The following CNBD2 variants were observed in gnomAD, a reference collection of about 807,000 sequenced individuals.
CNBD2 encodes the protein cyclic nucleotide-binding domain-containing protein 2.
Under a neutral mutation model 63.7 loss-of-function variants are expected in CNBD2, and 64 were observed. That is an observed-to-expected ratio of 1.00 (90% CI 0.82 to 1.24). The LOEUF (loss-of-function observed/expected upper bound fraction) is 1.24, where lower values mean the gene tolerates loss of function less well. CNBD2 is among the 50% of genes most tolerant of loss of function. The pLI is 0.00. For missense variants in CNBD2, 691 were observed against 713.5 expected, an observed-to-expected ratio of 0.97 and a Z score of 0.36; for synonymous variants, 229 against 255.4, an observed-to-expected ratio of 0.90 and a Z score of 0.99.
In CNBD2 at chr20:35,995,253, C is replaced by T. The variant is rs61533690; in HGVS notation, c.970+101C>T. ...TTAGAAATCTAGTCAGCCAGCCTGA[C>T]AGCGTATATCATCTGCACCCTTCTA... On this transcript the variant is annotated intron_variant, in intron 8 of 11. Coordinates refer to ENST00000373973, the MANE Select transcript of CNBD2 (RefSeq NM_001365709.1). 1.3e-3 allele frequency: 974 copies of T among 746,584 alleles called. 4 individuals carry two copies. The African/African-American group carries it at 0.015, about 11-fold the overall frequency. The allele number at this position is 746,584 out of a possible 1,614,324, so 46.2% of individuals were successfully genotyped here.
At chr20:36,010,934 T>C (rs1262779462) in intron 9 of CNBD2, among the ~76,000 whole-genome samples, 1 of 152,126 alleles carries the variant, frequency 6.6e-6, no homozygotes. Flanking sequence ...ATCACCTTCC[T>C]CTCCCAAGTC....
At chr20:36,021,299 C>G (rs543465402) in intron 10 of CNBD2, among the ~76,000 whole-genome samples, 35 of 152,194 alleles carry the variant, frequency 2.3e-4, no homozygotes, top group Admixed American at 3.9e-4. Context: ...GTGGAATAAG[C>G]CAAGCACAGA....
downstream of CNBD2, among the ~76,000 whole-genome samples, chr20:35,956,871 C>T (rs2056261752): frequency 6.6e-6 from 1 of 152,130 alleles, no homozygotes; most frequent in Admixed American, 6.6e-5. Flanking sequence ...TGTACAAAGG[C>T]ACATAGTGAG....
intron 11 of CNBD2, among the ~76,000 whole-genome samples, chr20:36,024,523 G>A (rs2057260063): frequency 6.6e-6 from 1 of 151,878 alleles, no homozygotes; most frequent in Non-Finnish European, 1.5e-5. Context: ...CAGCTACTCG[G>A]GAGGCTGATA....
intron 3 of CNBD2, among the ~76,000 whole-genome samples, chr20:35,979,951 G>A (rs1433026205): frequency 6.6e-6 from 1 of 152,200 alleles, no homozygotes; most frequent in Non-Finnish European, 1.5e-5. Flanking sequence ...GGGAGTGGTA[G>A]GTGAACGTGC....
intron 6 of CNBD2, among the ~76,000 whole-genome samples, chr20:35,985,400 A>T (rs2056654066): frequency 6.6e-6 from 1 of 151,806 alleles, no homozygotes; most frequent in Admixed American, 6.6e-5. Context: ...TCCTGGTCTC[A>T]AGTGATCCTG....
chr20:36,029,445 A>G (rs1016156998), intron 11 of CNBD2, among the ~76,000 whole-genome samples: 8 of 152,338 alleles, frequency 5.3e-5, no homozygotes, highest in South Asian at 4.1e-4. Flanking sequence ...CAGCTCTCCA[A>G]GATGCCGGAG....
chr20:35,980,664 G>T, intron 4 of CNBD2, 42 bp downstream of exon 4: 1 of 1,598,696 alleles, frequency 6.3e-7, no homozygotes, highest in Non-Finnish European at 8.5e-7. Flanking sequence ...GCTGAGGCTG[G>T]ACTGAGCAAA....
At chr20:36,013,772 A>G (rs2057095835) in intron 10 of CNBD2, among the ~76,000 whole-genome samples, 1 of 152,206 alleles carries the variant, frequency 6.6e-6, no homozygotes, top group South Asian at 2.1e-4. Flanking sequence ...AAGCAGGAAT[A>G]TATAGAAAGC....
intron 2 of CNBD2, chr20:35,973,314 T>TACG: frequency 6.4e-6 from 1 of 155,378 alleles, no homozygotes; most frequent in Non-Finnish European, 1.4e-5. Context: ...GTTTTCTAAA[T>TACG]GCCCACACGC....
intron 9 of CNBD2, among the ~76,000 whole-genome samples, chr20:36,010,214 G>A (rs1288861947): frequency 1.3e-5 from 2 of 152,102 alleles, no homozygotes; most frequent in Non-Finnish European, 2.9e-5. Context: ...TGAAATTGAA[G>A]TGTCATAATG....
chr20:36,023,845 A>AG (rs2057251769), intron 11 of CNBD2, 74 bp downstream of exon 11: 1 of 1,355,090 alleles, frequency 7.4e-7, no homozygotes, highest in Non-Finnish European at 1.0e-6. Flanking sequence ...TAGTAAAAGA[A>AG]GGAAAAATAT....
At chr20:36,005,812 A>G (rs1334938599) in intron 8 of CNBD2, among the ~76,000 whole-genome samples, 6 of 151,446 alleles carry the variant, frequency 4.0e-5, no homozygotes, top group East Asian at 2.0e-4. Flanking sequence ...TTAGCCGGGC[A>G]TGGTGGCGGG....
intron 9 of CNBD2, 42 bp from the exon 10 acceptor site, chr20:36,011,095 C>G (rs778163283): frequency 1.4e-6 from 2 of 1,456,946 alleles, no homozygotes; most frequent in South Asian, 3.0e-5. Flanking sequence ...CAGGAGCAGA[C>G]TGTGTTACAG....
At chr20:36,005,262 G>T (rs2056969047) in intron 8 of CNBD2, among the ~76,000 whole-genome samples, 1 of 152,180 alleles carries the variant, frequency 6.6e-6, no homozygotes, top group African/African-American at 2.4e-5. Context: ...CTTTTGGAAT[G>T]AAACTGTTCC....
At chr20:36,008,496 T>G (rs757826534) in intron 9 of CNBD2, 22 bp downstream of exon 9, 13 of 1,590,886 alleles carry the variant, frequency 8.2e-6, no homozygotes, top group Non-Finnish European at 1.0e-5. Context: ...CCTGGGCAGA[T>G]AGACGGGTCC....
rs759556767 is a variant in CNBD2, at chr20:36,011,172, T to C, written c.1184T>C (p.Ile395Thr). The C allele has an allele frequency of 3.8e-6, 6 of 1,596,704 alleles. No homozygotes were observed. Among genetic ancestry groups the C allele is most frequent in the Admixed American group, 1.7e-5 (1 of 58,016 alleles). Residue 395 changes from isoleucine to threonine, a missense_variant, in exon 10 of 12, where the codon ATC (isoleucine) becomes ACC (threonine). Transcript: ENST00000373973. The part of the protein sequence containing the change: ...RPAQSIKCAM[I>T]NIKPGELPKE... ...GCTCAGTCGATCAAATGTGCCATGA[T>C]CAATATCAAGCCTGGTGAGCTCCCC...
At chr20:35,961,458 G>A (rs1367735167) in intron 2 of CNBD2, among the ~76,000 whole-genome samples, 2 of 151,964 alleles carry the variant, frequency 1.3e-5, no homozygotes, top group African/African-American at 4.8e-5. Context: ...TTGATCTCTT[G>A]TTTTAAAATT....
At chr20:36,021,716 G>T (rs2057210671) in intron 10 of CNBD2, among the ~76,000 whole-genome samples, 1 of 152,176 alleles carries the variant, frequency 6.6e-6, no homozygotes, top group East Asian at 1.9e-4. Flanking sequence ...GCACTGGATT[G>T]GGAGTTCAGC....
Sources: gnomAD v4.1 joint callset for allele counts (sites outside exome capture counted in the v4.1 genomes callset) on GRCh38, gnomAD v4.1.1 for gene constraint, MANE v1.5 for transcripts, NCBI Gene and HGNC (gene_info 2026-07-23, HGNC 2026-07-21) for gene names.